SLC10A7: variants seen among roughly 807,000 people sequenced by gnomAD.
The protein encoded by SLC10A7 is sodium/bile acid cotransporter 7.
SLC10A7 carries 29 observed loss-of-function variants against 43.2 expected under a neutral mutation model. The observed-to-expected ratio is 0.67, with a 90% CI of 0.50 to 0.92. SLC10A7 has a LOEUF of 0.92. Among genes scored for constraint, SLC10A7 ranks in the 40% least tolerant of loss-of-function variants. SLC10A7 has a pLI of 0.00. For synonymous variants in SLC10A7, 152 were observed against 144.8 expected, an observed-to-expected ratio of 1.05 and a Z score of -0.35; for missense variants, 295 against 403.2, an observed-to-expected ratio of 0.73 and a Z score of 2.30.
chr4:146,495,738 T>C (rs1239832138), intron 4 of SLC10A7, among the ~76,000 whole-genome samples: 2 of 148,030 alleles, frequency 1.4e-5, no homozygotes, highest in African/African-American at 5.0e-5. Flanking sequence ...TTGAAGAGAT[T>C]TGAGCACCAG....
At position 146,365,999 on chromosome 4, in the gene SLC10A7, T is replaced by A. The variant is rs1235134468; in HGVS notation, c.436-40003A>T. Among the ~76,000 whole-genome samples the A allele has an allele frequency of 2.0e-5, 3 of 152,196 alleles. No homozygotes were observed. The East Asian group carries it at 5.8e-4, about 29-fold the overall frequency. On this transcript the variant is annotated intron_variant, in intron 5 of 11. Coordinates refer to ENST00000335472, the MANE Select transcript of SLC10A7 (RefSeq NM_001029998.6). Reference sequence around the variant, plus strand: ...CACAAACCCTCTTGTGAACTGCACATGTGAGAGATCTAGGTTGTGTGCTCC... The same window carrying A: ...CACAAACCCTCTTGTGAACTGCACAAGTGAGAGATCTAGGTTGTGTGCTCC...
chr4:146,293,392 C>G (rs1379416386), intron 8 of SLC10A7, among the ~76,000 whole-genome samples: 1 of 152,094 alleles, frequency 6.6e-6, no homozygotes, highest in Admixed American at 6.6e-5. Flanking sequence ...ATAAATAGAA[C>G]AAAAGGTTGC....
intron 10 of SLC10A7, among the ~76,000 whole-genome samples, chr4:146,276,726 G>T (rs1401474487): frequency 6.6e-6 from 1 of 152,032 alleles, no homozygotes; most frequent in Non-Finnish European, 1.5e-5. Flanking sequence ...GAGGTGGGAG[G>T]ATTGCTTGAG....
At chr4:146,325,352 AGAAAT>A (rs1363174427) in intron 6 of SLC10A7, among the ~76,000 whole-genome samples, 6 of 152,252 alleles carry the variant, frequency 3.9e-5, no homozygotes, top group African/African-American at 1.4e-4. Context: ...TAGTGCCAAA[AGAAAT>A]AAGACAGCTA....
At chr4:146,302,280 T>C (rs1441570707) in intron 7 of SLC10A7, among the ~76,000 whole-genome samples, 1 of 152,188 alleles carries the variant, frequency 6.6e-6, no homozygotes, top group African/African-American at 2.4e-5. Context: ...ACAGGTAGAT[T>C]CAGTTATGCC....
chr4:146,457,507 C>T (rs1334457328), intron 4 of SLC10A7, among the ~76,000 whole-genome samples: 2 of 151,846 alleles, frequency 1.3e-5, no homozygotes, highest in Non-Finnish European at 2.9e-5. Context: ...CATTAACCAT[C>T]CCCTCATCGC....
intron 6 of SLC10A7, among the ~76,000 whole-genome samples, chr4:146,322,220 T>C (rs1254514246): frequency 6.6e-6 from 1 of 152,138 alleles, no homozygotes; most frequent in Non-Finnish European, 1.5e-5. Context: ...TCTTTGGTTC[T>C]TTTTTTAATT....
At chr4:146,516,948 T>C in intron 2 of SLC10A7, 90 bp downstream of exon 2, 1 of 979,718 alleles carries the variant, frequency 1.0e-6, no homozygotes, top group Non-Finnish European at 1.5e-6. Context: ...ATTATAGCTA[T>C]AAACAGCTTT....
chr4:146,401,718 T>A (rs1463197177), intron 5 of SLC10A7, among the ~76,000 whole-genome samples: 1 of 152,162 alleles, frequency 6.6e-6, no homozygotes, highest in Non-Finnish European at 1.5e-5. Context: ...AATACCACTA[T>A]CTTCCCATTA....
chr4:146,388,752 C>G (rs112563543), intron 5 of SLC10A7, among the ~76,000 whole-genome samples: 3 of 133,832 alleles, frequency 2.2e-5, no homozygotes, highest in African/African-American at 5.6e-5. Flanking sequence ...GTGTGAGACT[C>G]TGTCAAAAAA....
intron 4 of SLC10A7, among the ~76,000 whole-genome samples, chr4:146,448,553 A>T (rs1475011367): frequency 6.6e-6 from 1 of 152,024 alleles, no homozygotes; most frequent in African/African-American, 2.4e-5. Flanking sequence ...TCCTTCCCTT[A>T]TGAGGTTACT....
At chr4:146,400,648 C>A (rs1169731332) in intron 5 of SLC10A7, among the ~76,000 whole-genome samples, 1 of 152,052 alleles carries the variant, frequency 6.6e-6, no homozygotes, top group Non-Finnish European at 1.5e-5. Context: ...TGCTAGGGAG[C>A]AGAACCTTCA....
intron 5 of SLC10A7, among the ~76,000 whole-genome samples, chr4:146,351,294 G>A (rs969991267): frequency 3.3e-5 from 5 of 150,550 alleles, no homozygotes; most frequent in African/African-American, 1.2e-4. Context: ...AATGGAAGAT[G>A]AAATGAATGA....
intron 2 of SLC10A7, among the ~76,000 whole-genome samples, chr4:146,515,761 T>G (rs2150055919): frequency 6.6e-6 from 1 of 151,842 alleles, no homozygotes; most frequent in Non-Finnish European, 1.5e-5. Context: ...AATACAGAAA[T>G]TAGCCGGGCG....
At chr4:146,509,251 TATA>T (rs1156262814) in intron 3 of SLC10A7, among the ~76,000 whole-genome samples, 3 of 152,348 alleles carry the variant, frequency 2.0e-5, no homozygotes, top group South Asian at 2.1e-4. Flanking sequence ...CTCCAATATG[TATA>T]ATAACTCCTG....
chr4:146,504,518 C>CAAAAAAAAAAAAAAAAAAAAAAAAA (rs5862761), intron 3 of SLC10A7, among the ~76,000 whole-genome samples: 1 of 88,576 alleles, frequency 1.1e-5, no homozygotes, highest in Admixed American at 1.2e-4. Context: ...GACTCCGTCT[C>CAAAAAAAAAAAAAAAAAAAAAAAAA]AAAAAAAAAA....
rs962887527 is a variant in SLC10A7, at chr4:146,417,039, G to GAT, written c.435+25742_435+25743dup. Among the ~76,000 whole-genome samples, 22 of 152,072 alleles carry GAT rather than the reference G, an allele frequency of 1.4e-4. No homozygotes were observed. The South Asian group carries it at 1.7e-3, about 11-fold the overall frequency. On this transcript the variant is annotated intron_variant, in intron 5 of 11. Transcript: ENST00000335472. ...TGCTTCATTTCTGTTCTCTCCATAAGATATATATATAAATATAAAACATAG... is the reference window on the plus strand; with the variant it reads ...TGCTTCATTTCTGTTCTCTCCATAAGATATATATATATAAATATAAAACATAG...
At chr4:146,300,153 G>A (rs1026024590) in intron 7 of SLC10A7, among the ~76,000 whole-genome samples, 6 of 152,116 alleles carry the variant, frequency 3.9e-5, no homozygotes, top group African/African-American at 1.4e-4. Context: ...GTGACTGAAA[G>A]GTCAGTTAAT....
chr4:146,363,698 G>A (rs1433136232), intron 5 of SLC10A7, among the ~76,000 whole-genome samples: 1 of 151,972 alleles, frequency 6.6e-6, no homozygotes, highest in African/African-American at 2.4e-5. Context: ...ATAAAAAGAG[G>A]AACTTGGAAA....
Sources: allele counts gnomAD v4.1 joint callset (sites outside exome capture counted in the v4.1 genomes callset), GRCh38; gene constraint gnomAD v4.1.1; transcripts MANE v1.5; gene names NCBI Gene and HGNC (gene_info 2026-07-23, HGNC 2026-07-21).